The following GPR39 variants were observed in gnomAD, a reference collection of about 807,000 sequenced individuals.
GPR39 encodes G protein-coupled receptor 39.
A neutral mutation model predicts 18.4 loss-of-function variants in GPR39; 23 were observed. That is an observed-to-expected ratio of 1.25 (90% CI 0.90 to 1.77). The LOEUF (loss-of-function observed/expected upper bound fraction) is 1.77. Ranked by LOEUF, GPR39 falls within the 40% of genes most tolerant of loss-of-function variation. The pLI, the probability that GPR39 is intolerant of heterozygous loss-of-function variation, is 0.00. For synonymous variants in GPR39, 280 were observed against 257.9 expected (o/e 1.09, Z -0.82); for missense variants, 647 against 602.4 (o/e 1.07, Z -0.78).
chr2:132,574,604 G>A (rs959382884), intron 1 of GPR39, among the ~76,000 whole-genome samples: 5 of 152,092 alleles, frequency 3.3e-5, no homozygotes, highest in African/African-American at 1.2e-4. Context: ...ACATGATGGT[G>A]TGTACCTGTA....
At chr2:132,422,633 G>T (rs1460126683) in intron 1 of GPR39, among the ~76,000 whole-genome samples, 1 of 152,000 alleles carries the variant, frequency 6.6e-6, no homozygotes, top group African/African-American at 2.4e-5. Flanking sequence ...CTTTTTTAGT[G>T]TAAGATATTA....
intron 1 of GPR39, among the ~76,000 whole-genome samples, chr2:132,540,292 G>A (rs561106439): frequency 6.6e-6 from 1 of 152,312 alleles, no homozygotes; most frequent in East Asian, 1.9e-4. Context: ...TGTGAGAACA[G>A]GAAGGCAGCA....
At chr2:132,550,928 G>T (rs554887580) in intron 1 of GPR39, among the ~76,000 whole-genome samples, 7 of 152,212 alleles carry the variant, frequency 4.6e-5, no homozygotes, top group Non-Finnish European at 8.8e-5. Context: ...CTTTGTTAAA[G>T]TATTAGAAGA....
intron 1 of GPR39, among the ~76,000 whole-genome samples, chr2:132,552,370 C>A (rs906775523): frequency 3.3e-5 from 5 of 151,994 alleles, no homozygotes; most frequent in African/African-American, 9.7e-5. Flanking sequence ...CAGCACCACC[C>A]CAACTCTCTT....
intron 1 of GPR39, among the ~76,000 whole-genome samples, chr2:132,509,204 A>G (rs769775024): frequency 2.7e-4 from 41 of 152,160 alleles, no homozygotes; most frequent in African/African-American, 1.4e-4. Flanking sequence ...CACTCTACCT[A>G]TAGGGAGTGG....
At chr2:132,543,613 T>C (rs1263262415) in intron 1 of GPR39, among the ~76,000 whole-genome samples, 1 of 152,184 alleles carries the variant, frequency 6.6e-6, no homozygotes, top group Non-Finnish European at 1.5e-5. Flanking sequence ...AGAAACCTAT[T>C]TGTTTAAGTG....
intron 1 of GPR39, among the ~76,000 whole-genome samples, chr2:132,573,667 A>G (rs1431617256): frequency 6.6e-6 from 1 of 152,056 alleles, no homozygotes; most frequent in Non-Finnish European, 1.5e-5. Context: ...CATCTGATGG[A>G]TTGACTGACA....
rs139057692 is a variant in GPR39 at position 132,498,832 on chromosome 2, T to C, written c.856+80934T>C. 6.0e-3 allele frequency among the ~76,000 whole-genome samples: 919 copies of C among 152,354 alleles called. 5 individuals carry two copies. The highest frequency in any genetic ancestry group is 0.011 in the Non-Finnish European group (719 of 68,036). On this transcript the variant is annotated intron_variant, in intron 1 of 1. Transcript: ENST00000329321. ...GATAATTAGTGATGCTGAGCATTTT[T>C]CCACATACTTAATGGCCATTTGTGT...
At chr2:132,591,230 C>A (rs1298861900) in intron 1 of GPR39, among the ~76,000 whole-genome samples, 1 of 133,592 alleles carries the variant, frequency 7.5e-6, no homozygotes, top group African/African-American at 2.9e-5. Context: ...CGCAGTCCGG[C>A]CTGGGCGACA....
At chr2:132,449,897 C>T (rs1158984291) in intron 1 of GPR39, among the ~76,000 whole-genome samples, 7 of 152,136 alleles carry the variant, frequency 4.6e-5, no homozygotes. Flanking sequence ...TTTTACATCT[C>T]CTACACCTTC....
chr2:132,504,473 A>G (rs139097758), intron 1 of GPR39, among the ~76,000 whole-genome samples: 20 of 152,282 alleles, frequency 1.3e-4, no homozygotes, highest in Admixed American at 3.3e-4. Context: ...TGGGGTGCTC[A>G]AAATCTCTTT....
Position 132,645,223 on chromosome 2 carries a change from C to G in GPR39, c.979C>G (p.Pro327Ala). 1 of 1,614,188 alleles carries G rather than the reference C, an allele frequency of 6.2e-7. No homozygotes were observed. Residue 327 changes from proline to alanine, a missense_variant, in exon 2 of 2, where the codon CCC (proline) becomes GCC (alanine). Physicochemically the swap from Pro to Ala is conservative, Grantham distance 27. Coordinates refer to ENST00000329321, the MANE Select transcript of GPR39 (RefSeq NM_001508.3). ...SYFRAYMILL[P>A]FSETFFYLSS... is the part of the protein sequence containing the mutation. ...CTTCCGGGCGTACATGATCCTCCTC[C>G]CCTTCTCGGAGACGTTTTTCTACCT... is the stretch of plus-strand genomic sequence containing the variant.
chr2:132,466,225 A>G (rs892895348), intron 1 of GPR39, among the ~76,000 whole-genome samples: 2 of 152,214 alleles, frequency 1.3e-5, no homozygotes, highest in African/African-American at 4.8e-5. Context: ...TAGGTAAAGT[A>G]CCTCAAATAT....
At chr2:132,498,334 T>C (rs1435145136) in intron 1 of GPR39, among the ~76,000 whole-genome samples, 1 of 152,214 alleles carries the variant, frequency 6.6e-6, no homozygotes, top group East Asian at 1.9e-4. Flanking sequence ...ACATATGATG[T>C]TTGGTTTTCC....
chr2:132,611,255 G>A (rs1681234448), intron 1 of GPR39, among the ~76,000 whole-genome samples: 1 of 152,150 alleles, frequency 6.6e-6, no homozygotes, highest in East Asian at 1.9e-4. Context: ...GCAAATGTAA[G>A]GGCTGAAGAA....
At chr2:132,532,411 G>C (rs1679656834) in intron 1 of GPR39, among the ~76,000 whole-genome samples, 1 of 152,082 alleles carries the variant, frequency 6.6e-6, no homozygotes, top group African/African-American at 2.4e-5. Flanking sequence ...AATTCTACCA[G>C]AGGTACAAGG....
At chr2:132,599,946 CCTT>C (rs992136312) in intron 1 of GPR39, among the ~76,000 whole-genome samples, 2 of 152,152 alleles carry the variant, frequency 1.3e-5, no homozygotes, top group East Asian at 1.9e-4. Flanking sequence ...GTGAAAGAAT[CCTT>C]CTTAGATACT....
At chr2:132,473,795 G>A (rs1178549788) in intron 1 of GPR39, among the ~76,000 whole-genome samples, 4 of 152,132 alleles carry the variant, frequency 2.6e-5, no homozygotes, top group South Asian at 2.1e-4. Flanking sequence ...CAGATTTTTG[G>A]TTGTGGCACT....
At chr2:132,637,659 T>G (rs1025820653) in intron 1 of GPR39, among the ~76,000 whole-genome samples, 3 of 152,318 alleles carry the variant, frequency 2.0e-5, no homozygotes, top group African/African-American at 7.2e-5. Flanking sequence ...GAAAAGTGAT[T>G]GCAAAGTTTC....
Sources: allele counts gnomAD v4.1 joint callset (sites outside exome capture counted in the v4.1 genomes callset), GRCh38; gene constraint gnomAD v4.1.1; transcripts MANE v1.5; gene names NCBI Gene and HGNC (gene_info 2026-07-23, HGNC 2026-07-21).